GHR: variants seen among roughly 807,000 people sequenced by gnomAD.
GHR encodes the protein growth hormone receptor.
GHR carries 35 observed loss-of-function variants against 67.1 expected under a neutral mutation model. That is an observed-to-expected ratio of 0.52 (90% CI 0.40 to 0.69). The LOEUF is 0.69. GHR is among the 30% of genes least tolerant of loss of function. The pLI is 0.00. For synonymous variants in GHR, 272 were observed against 269.1 expected (o/e 1.01, Z -0.10); for missense variants, 792 against 764.6 (o/e 1.04, Z -0.42).
At chr5:42,502,225 G>A (rs909597820) in intron 1 of GHR, among the ~76,000 whole-genome samples, 1 of 152,040 alleles carries the variant, frequency 6.6e-6, no homozygotes, top group African/African-American at 2.4e-5. Flanking sequence ...TCAGCCCCTG[G>A]GATCTTCAAT....
intron 2 of GHR, among the ~76,000 whole-genome samples, chr5:42,609,033 T>C (rs1158974688): frequency 6.6e-6 from 1 of 152,296 alleles, no homozygotes; most frequent in East Asian, 1.9e-4. Flanking sequence ...AGGGATGGCA[T>C]ATGCAAAAAT....
intron 1 of GHR, among the ~76,000 whole-genome samples, chr5:42,473,673 T>G (rs1237582337): frequency 1.3e-5 from 2 of 151,106 alleles, no homozygotes; most frequent in Non-Finnish European, 2.9e-5. Flanking sequence ...GGTCAAGAGA[T>G]TGAGACCATC....
intron 1 of GHR, 111 bp from the exon 2 acceptor site, chr5:42,565,753 T>A: frequency 1.3e-6 from 2 of 1,595,590 alleles, no homozygotes; most frequent in Non-Finnish European, 1.7e-6. Flanking sequence ...GGATTCCTTC[T>A]GGAACTGACT....
At chr5:42,593,146 A>G (rs903624561) in intron 2 of GHR, among the ~76,000 whole-genome samples, 25 of 152,256 alleles carry the variant, frequency 1.6e-4, no homozygotes, top group African/African-American at 5.5e-4. Flanking sequence ...CCTTATAATC[A>G]ATATTGCATT....
chr5:42,660,137 C>T lies in GHR; in HGVS notation c.137-28753C>T, dbSNP rs943740584. On this transcript the variant is annotated intron_variant, in intron 3 of 9. Transcript: ENST00000230882. ...GAACTGGGTGGAGCCCACAACAGCT[C>T]AAGGAGGCCTGCCTGCCTCTGTAGA... 8.5e-5 allele frequency among the ~76,000 whole-genome samples: 13 copies of T among 152,298 alleles called. No individual in the cohort carries two copies. In the East Asian group the frequency reaches 2.3e-3, roughly 27 times the overall value.
rs148627524 is a variant in GHR at position 42,699,900 on chromosome 5, A to G, written c.516A>G (p.Gln172=). 1.9e-6 allele frequency: 3 copies of G among 1,604,000 alleles called. No homozygotes were observed. The highest frequency in any genetic ancestry group is 1.3e-5 in the African/African-American group (1 of 74,782). The change falls in exon 6 of 10, where the codon CAA becomes CAG. Residue 172 remains glutamine (Q), a synonymous_variant. Transcript: ENST00000230882. ...TAACTGGGATTCATGCAGATATCCAAGTGAGATGGGAAGCACCACGCAATG... is the reference window on the plus strand; with the variant it reads ...TAACTGGGATTCATGCAGATATCCAGGTGAGATGGGAAGCACCACGCAATG... ...VSLTGIHADI[Q]VRWEAPRNAD... is the part of the protein sequence containing the mutation.
intron 1 of GHR, chr5:42,466,000 T>C: frequency 1.7e-6 from 1 of 595,986 alleles, no homozygotes. Flanking sequence ...CTTGTCTTAT[T>C]CCTTCTTCTT....
At position 42,468,656 on chromosome 5, in the gene GHR, C is replaced by G. The variant is rs1295872471; in HGVS notation, c.-12+44701C>G. On this transcript the variant is annotated intron_variant, in intron 1 of 9. Transcript: ENST00000230882. ...CTTGCTGTCTTTCTGGGACTCCTTG[C>G]GCAGCTAGCTATTTGCCTGCCGCCT... 4 of 1,036,464 alleles carry G rather than the reference C, an allele frequency of 3.9e-6. No individual in the cohort carries two copies. The East Asian group carries it at 9.7e-5, about 25-fold the overall frequency. The allele number at this position is 1,036,464 out of a possible 1,614,324, so 64.2% of individuals were successfully genotyped here. A position where few individuals can be genotyped will look rare whatever the true frequency, so the allele number is the denominator to read the frequency against.
intron 1 of GHR, among the ~76,000 whole-genome samples, chr5:42,488,064 T>C (rs1394352642): frequency 6.6e-6 from 1 of 152,242 alleles, no homozygotes; most frequent in African/African-American, 2.4e-5. Context: ...GTCTACTTGC[T>C]GTGTGCATGC....
At chr5:42,700,894 T>C (rs961629611) in intron 6 of GHR, among the ~76,000 whole-genome samples, 1 of 152,230 alleles carries the variant, frequency 6.6e-6, no homozygotes, top group African/African-American at 2.4e-5. Context: ...CTCTATTTTC[T>C]GAATCATTTT....
At chr5:42,468,562 C>A in intron 1 of GHR, 1 of 901,592 alleles carries the variant, frequency 1.1e-6, no homozygotes, top group South Asian at 1.6e-5. Flanking sequence ...TTCCTTCTTT[C>A]TTAAGCACCA....
chr5:42,464,750 A>C (rs1744652680), intron 1 of GHR, among the ~76,000 whole-genome samples: 1 of 152,154 alleles, frequency 6.6e-6, no homozygotes, highest in Non-Finnish European at 1.5e-5. Context: ...CTAATAATCT[A>C]AATTATGAAT....
intron 1 of GHR, among the ~76,000 whole-genome samples, chr5:42,536,920 C>G (rs1379332191): frequency 2.0e-5 from 3 of 151,974 alleles, no homozygotes; most frequent in Non-Finnish European, 4.4e-5. Flanking sequence ...ATTTATCCAT[C>G]TCTTCTAGGT....
At chr5:42,430,501 A>G (rs962417927) in intron 1 of GHR, among the ~76,000 whole-genome samples, 12 of 152,188 alleles carry the variant, frequency 7.9e-5, no homozygotes, top group African/African-American at 2.9e-4. Context: ...AACCTGTGAT[A>G]TAAACTGACA....
At chr5:42,480,903 A>G (rs1171076055) in intron 1 of GHR, among the ~76,000 whole-genome samples, 3 of 152,094 alleles carry the variant, frequency 2.0e-5, no homozygotes, top group Admixed American at 1.3e-4. Flanking sequence ...AGTTAATATC[A>G]TTATGTGTGA....
chr5:42,569,446 G>A lies in GHR; in HGVS notation c.70+3502G>A, dbSNP rs77574223. On this transcript the variant is annotated intron_variant, in intron 2 of 9. Transcript: ENST00000230882. ...TATAGAAGGCCCAGAGATAGCAAAG[G>A]CATTATGGAAAAGGCAAGACTTGCT... Among the ~76,000 whole-genome samples, 1,851 of 152,248 alleles carry A rather than the reference G, an allele frequency of 0.012. 80 individuals are homozygous for A. The East Asian group carries it at 0.14, about 12-fold the overall frequency.
chr5:42,670,395 T>A (rs1403952403), intron 3 of GHR, among the ~76,000 whole-genome samples: 1 of 152,146 alleles, frequency 6.6e-6, no homozygotes, highest in Non-Finnish European at 1.5e-5. Flanking sequence ...GACTTAAACA[T>A]AAGCCCTGAA....
Position 42,576,045 on chromosome 5 carries a change from A to AG in GHR, c.70+10101_70+10102insG, listed in dbSNP as rs200926008. Among the ~76,000 whole-genome samples the AG allele has an allele frequency of 3.1e-3, 343 of 109,724 alleles. 10 individuals carry two copies. The highest frequency in any genetic ancestry group is 0.013 in the African/African-American group (288 of 21,776). 72.0% of individuals were successfully genotyped at this position (109,724 alleles called of 152,430 possible). A position where few individuals can be genotyped will look rare whatever the true frequency, so the allele number is the denominator to read the frequency against. On this transcript the variant is annotated intron_variant, in intron 2 of 9. Transcript: ENST00000230882. ...CAACACTCTGTCTCAGAAAATTAAA[A>AG]TAATAAAATAAAATAAAATAAAATA...
chr5:42,571,431 T>G (rs1022519682), intron 2 of GHR, among the ~76,000 whole-genome samples: 1 of 152,164 alleles, frequency 6.6e-6, no homozygotes, highest in Non-Finnish European at 1.5e-5. Context: ...CCCAAAACCT[T>G]GACAATCCCC....
Sources: allele counts gnomAD v4.1 joint callset (sites outside exome capture counted in the v4.1 genomes callset), GRCh38; gene constraint gnomAD v4.1.1; transcripts MANE v1.5; gene names NCBI Gene and HGNC (gene_info 2026-07-23, HGNC 2026-07-21).